ASIC2: variants seen among roughly 807,000 people sequenced by gnomAD.
ASIC2 encodes the protein acid-sensing ion channel 2.
A neutral mutation model predicts 57.3 loss-of-function variants in ASIC2; 25 were observed. The observed-to-expected ratio is 0.44, with a 90% CI of 0.32 to 0.61. The LOEUF is 0.61. ASIC2 is among the 20% of genes least tolerant of loss of function. ASIC2 has a pLI of 0.06. For synonymous variants in ASIC2, 319 were observed against 307.5 expected (o/e 1.04, Z -0.39); for missense variants, 641 against 738.1 (o/e 0.87, Z 1.52).
At chr17:33,632,401 G>C (rs900116445) in intron 1 of ASIC2, among the ~76,000 whole-genome samples, 1 of 152,076 alleles carries the variant, frequency 6.6e-6, no homozygotes, top group Non-Finnish European at 1.5e-5. Flanking sequence ...TGGAGCTGTG[G>C]GATATGGAAG....
chr17:33,817,055 G>T (rs986660904), intron 1 of ASIC2, among the ~76,000 whole-genome samples: 16 of 152,194 alleles, frequency 1.1e-4, no homozygotes, highest in African/African-American at 3.9e-4. Context: ...GCCCCAGCGG[G>T]GCTGCACACT....
intron 1 of ASIC2, among the ~76,000 whole-genome samples, chr17:33,332,654 G>A (rs997888304): frequency 6.6e-6 from 1 of 152,158 alleles, no homozygotes; most frequent in African/African-American, 2.4e-5. Flanking sequence ...ACTTTGGGAG[G>A]CTGAGGCAGG....
intron 1 of ASIC2, among the ~76,000 whole-genome samples, chr17:33,361,430 A>T (rs1396608200): frequency 6.6e-6 from 1 of 152,210 alleles, no homozygotes; most frequent in African/African-American, 2.4e-5. Flanking sequence ...TAATAACCAA[A>T]TAGCCTTATG....
At position 33,024,101 on chromosome 17, in the gene ASIC2, AAATGAGCTGGGAAGGGGCAC is replaced by A. The variant is rs2091849875; in HGVS notation, c.1196-107_1196-88del. ...GAGTAGCTGGATTGTAGCAGCTGAG[AAATGAGCTGGGAAGGGGCAC>A]TGGTCTGGGGAAAGTGAGGGGCAGG... On this transcript the variant is annotated intron_variant, in intron 5 of 9. Transcript: ENST00000225823. 165 of 1,557,268 alleles carry A rather than the reference AAATGAGCTGGGAAGGGGCAC, an allele frequency of 1.1e-4. 5 individuals carry two copies. In the South Asian group the frequency reaches 1.9e-3, roughly 18 times the overall value.
intron 1 of ASIC2, among the ~76,000 whole-genome samples, chr17:33,410,216 G>A (rs892806310): frequency 2.0e-5 from 3 of 152,058 alleles, no homozygotes; most frequent in Admixed American, 1.3e-4. Context: ...AGCAACAGTG[G>A]GCAAAATGAT....
At chr17:33,998,373 A>T (rs1906230027) in intron 1 of ASIC2, among the ~76,000 whole-genome samples, 1 of 151,964 alleles carries the variant, frequency 6.6e-6, no homozygotes, top group Admixed American at 6.5e-5. Flanking sequence ...TGCTTTATTG[A>T]TTTCTGCTCT....
chr17:34,037,411 T>C (rs1907932021), intron 1 of ASIC2: 11 of 511,832 alleles, frequency 2.1e-5, no homozygotes. Flanking sequence ...CGGGGCCTTT[T>C]CCTACAAGGC....
In ASIC2 at chr17:33,184,700, G is replaced by A. The variant is rs114226725; in HGVS notation, c.709-72633C>T. Among the ~76,000 whole-genome samples the A allele has an allele frequency of 2.5e-3, 387 of 152,156 alleles. 1 individual carries two copies. Among genetic ancestry groups the A allele is most frequent in the African/African-American group, 9.0e-3 (373 of 41,496 alleles). ...CTATTTACACATCTCCCTGCATCCC[G>A]TTGGATACCTGCCTTTCAGGGGTAA... On this transcript the variant is annotated intron_variant, in intron 1 of 9. Transcript: ENST00000225823.
At chr17:33,285,295 G>C (rs1037143310) in intron 1 of ASIC2, among the ~76,000 whole-genome samples, 1 of 152,122 alleles carries the variant, frequency 6.6e-6, no homozygotes, top group Non-Finnish European at 1.5e-5. Context: ...TAATTTCCCC[G>C]AAGTCAAATA....
rs1194145638 is a variant in ASIC2 at position 33,727,630 on chromosome 17, G to A, written c.555+428348C>T. On this transcript the variant is annotated intron_variant, in intron 1 of 9. Coordinates refer to the ASIC2 transcript ENST00000359872. The stretch of plus-strand genomic sequence containing the variant: ...TTCCTGCTCTGGCCATGGAAGATGA[G>A]CCTGCTTCCCCCACACCTTCTACCA... 3.9e-5 allele frequency among the ~76,000 whole-genome samples: 6 copies of A among 152,154 alleles called. No homozygotes were observed. In the South Asian group the frequency reaches 1.0e-3, roughly 26 times the overall value.
At chr17:33,192,885 G>A (rs189233461) in intron 1 of ASIC2, among the ~76,000 whole-genome samples, 1 of 152,214 alleles carries the variant, frequency 6.6e-6, no homozygotes, top group Admixed American at 6.5e-5. Flanking sequence ...TCCGCCATGT[G>A]ATTAAATATA....
chr17:33,707,371 T>G (rs563526787), intron 1 of ASIC2, among the ~76,000 whole-genome samples: 82 of 152,310 alleles, frequency 5.4e-4, no homozygotes, highest in African/African-American at 1.8e-3. Context: ...ATTTTGAACC[T>G]TCTGACTAAT....
chr17:33,929,079 A>C (rs988269162), intron 1 of ASIC2, among the ~76,000 whole-genome samples: 7 of 152,238 alleles, frequency 4.6e-5, no homozygotes, highest in African/African-American at 1.7e-4. Flanking sequence ...CAAGAACGCT[A>C]TTTGAGTTGC....
At chr17:33,395,633 A>C (rs1385388294) in intron 1 of ASIC2, among the ~76,000 whole-genome samples, 1 of 152,024 alleles carries the variant, frequency 6.6e-6, no homozygotes, top group Non-Finnish European at 1.5e-5. Context: ...CTCCTCATTC[A>C]CCCGTTTATT....
In ASIC2 at chr17:33,280,673, G is replaced by A. The variant is rs529376834; in HGVS notation, c.708+10735C>T. Among the ~76,000 whole-genome samples the A allele has an allele frequency of 3.7e-4, 56 of 152,300 alleles. 1 individual carries two copies. The highest frequency in any genetic ancestry group is 2.4e-3 in the Admixed American group (36 of 15,304). On this transcript the variant is annotated intron_variant, in intron 1 of 9. Coordinates refer to ENST00000225823, the MANE Select transcript of ASIC2 (RefSeq NM_183377.2). ...TCTTTCAAATCCATGTGCAGGGAGC[G>A]TAAAGAGATAGTGTAAAATAAATGG...
intron 1 of ASIC2, among the ~76,000 whole-genome samples, chr17:33,944,989 T>C (rs1164337608): frequency 6.6e-6 from 1 of 152,178 alleles, no homozygotes; most frequent in African/African-American, 2.4e-5. Context: ...TTGCTGAGCA[T>C]CCACTGGAAA....
intron 1 of ASIC2, among the ~76,000 whole-genome samples, chr17:33,264,059 T>C (rs1026433848): frequency 4.6e-5 from 7 of 152,226 alleles, no homozygotes; most frequent in African/African-American, 1.7e-4. Flanking sequence ...CCTTTCTGCA[T>C]CTATAAAGCC....
intron 1 of ASIC2, among the ~76,000 whole-genome samples, chr17:33,706,430 T>C (rs2347449): frequency 0.35 from 52,773 of 151,256 alleles, 10,811 homozygotes; most frequent in African/African-American, 0.58. Flanking sequence ...CACGACGTTT[T>C]CCAGGCTGGT....
chr17:33,186,142 G>C (rs750124594), intron 1 of ASIC2, among the ~76,000 whole-genome samples: 1 of 151,790 alleles, frequency 6.6e-6, no homozygotes, highest in East Asian at 1.9e-4. Context: ...ACAGAGTCTC[G>C]CTTTGTTTCC....
Sources: gnomAD v4.1 joint callset for allele counts (sites outside exome capture counted in the v4.1 genomes callset) on GRCh38, gnomAD v4.1.1 for gene constraint, MANE v1.5 for transcripts, NCBI Gene and HGNC (gene_info 2026-07-23, HGNC 2026-07-21) for gene names.